KCNIP4: variants seen among roughly 807,000 people sequenced by gnomAD.
KCNIP4 encodes potassium voltage-gated channel interacting protein 4.
A neutral mutation model predicts 34.0 loss-of-function variants in KCNIP4; 12 were observed. That is an observed-to-expected ratio of 0.35 (90% confidence interval 0.23 to 0.57). KCNIP4 has a LOEUF of 0.57. KCNIP4 is among the 20% of genes least tolerant of loss of function. The pLI, the probability that KCNIP4 is intolerant of heterozygous loss-of-function variation, is 0.83. For missense variants in KCNIP4, 238 were observed against 311.7 expected, an observed-to-expected ratio of 0.76 and a Z score of 1.78; for synonymous variants, 124 against 102.2, an observed-to-expected ratio of 1.21 and a Z score of -1.29.
intron 1 of KCNIP4, among the ~76,000 whole-genome samples, chr4:21,805,965 C>T (rs1025267515): frequency 2.0e-5 from 3 of 152,300 alleles, no homozygotes; most frequent in Middle Eastern, 3.4e-3. Context: ...ATGTAGGTTA[C>T]AAATGGAGCT....
chr4:21,542,316 A>G (rs2109000716), intron 1 of KCNIP4, among the ~76,000 whole-genome samples: 1 of 152,340 alleles, frequency 6.6e-6, no homozygotes, highest in African/African-American at 2.4e-5. Context: ...TTTCAAAGTC[A>G]GTTAAGCCTA....
intron 2 of KCNIP4, among the ~76,000 whole-genome samples, chr4:20,864,751 T>C (rs957976402): frequency 6.6e-6 from 1 of 152,078 alleles, no homozygotes; most frequent in Non-Finnish European, 1.5e-5. Flanking sequence ...ACTTTGTAAG[T>C]TCATGTCACA....
chr4:21,697,273 C>T (rs1260124381), intron 1 of KCNIP4: 1 of 1,356,778 alleles, frequency 7.4e-7, no homozygotes, highest in Non-Finnish European at 9.4e-7. Context: ...ATAGCCTTTC[C>T]TATTCCATTT....
At chr4:21,494,946 A>G (rs1285491337) in intron 1 of KCNIP4, among the ~76,000 whole-genome samples, 4 of 152,178 alleles carry the variant, frequency 2.6e-5, no homozygotes, top group African/African-American at 9.6e-5. Context: ...TGAATCTGAC[A>G]TAATATACTT....
intron 3 of KCNIP4, among the ~76,000 whole-genome samples, chr4:20,761,815 A>G (rs527577314): frequency 4.8e-4 from 73 of 152,358 alleles, no homozygotes; most frequent in Middle Eastern, 3.4e-3. Context: ...TCTCTGCCAA[A>G]TGAAAACTAC....
chr4:21,303,970 TA>T (rs1712051607), intron 1 of KCNIP4: 10 of 1,593,454 alleles, frequency 6.3e-6, no homozygotes, highest in Admixed American at 1.7e-5. Context: ...GCTTTCTTTG[TA>T]AAGCCATTAA....
intron 1 of KCNIP4, among the ~76,000 whole-genome samples, chr4:21,945,969 A>T (rs1015801947): frequency 2.0e-5 from 3 of 149,462 alleles, no homozygotes; most frequent in Non-Finnish European, 4.4e-5. Flanking sequence ...GGCATTAACA[A>T]TGTCAATTAC....
intron 4 of KCNIP4, among the ~76,000 whole-genome samples, chr4:20,751,229 G>T (rs7663837): frequency 0.5 from 75,428 of 152,020 alleles, 19,246 homozygotes; most frequent in African/African-American, 0.58. Context: ...CGTTTTCAGT[G>T]AACTAACCAA....
chr4:20,996,489 T>C (rs988929002), intron 1 of KCNIP4, among the ~76,000 whole-genome samples: 3 of 152,204 alleles, frequency 2.0e-5, no homozygotes, highest in Non-Finnish European at 4.4e-5. Flanking sequence ...TTAAATAAAC[T>C]AAGACTATCC....
chr4:21,079,393 A>AT (rs998441839), intron 1 of KCNIP4, among the ~76,000 whole-genome samples: 22 of 152,088 alleles, frequency 1.4e-4, no homozygotes, highest in Admixed American at 1.3e-3. Flanking sequence ...ACTGTTAAAC[A>AT]TTTTTTAGAG....
chr4:21,467,073 AACACACACACACACACACACACACACAC>A (rs33937973), intron 1 of KCNIP4, among the ~76,000 whole-genome samples: 2 of 139,758 alleles, frequency 1.4e-5, no homozygotes, highest in Non-Finnish European at 3.1e-5. Context: ...AACCAAAACA[AACACACACACACACACACACACACACAC>A]ACACACACAC....
chr4:21,415,673 G>A (rs1724897614), intron 1 of KCNIP4, among the ~76,000 whole-genome samples: 1 of 152,144 alleles, frequency 6.6e-6, no homozygotes, highest in Admixed American at 6.6e-5. Context: ...TTGCACTCCA[G>A]CCTGGGTGAC....
intron 1 of KCNIP4, among the ~76,000 whole-genome samples, chr4:21,265,349 TG>T (rs965205894): frequency 2.6e-5 from 4 of 152,078 alleles, no homozygotes; most frequent in African/African-American, 9.7e-5. Context: ...TTAAGGGCCT[TG>T]GGAAGCAATA....
chr4:20,887,904 T>C (rs1288466613), intron 1 of KCNIP4, among the ~76,000 whole-genome samples: 2 of 152,132 alleles, frequency 1.3e-5, no homozygotes, highest in Non-Finnish European at 2.9e-5. Flanking sequence ...TAGAGTTTAT[T>C]ACATTTGTAG....
At chr4:21,622,900 C>G (rs927938750) in intron 1 of KCNIP4, among the ~76,000 whole-genome samples, 1 of 152,120 alleles carries the variant, frequency 6.6e-6, no homozygotes, top group Non-Finnish European at 1.5e-5. Context: ...CTTCTGCCAT[C>G]ACTCAGAACT....
At chr4:21,202,073 C>T (rs994740036) in intron 1 of KCNIP4, among the ~76,000 whole-genome samples, 1 of 152,148 alleles carries the variant, frequency 6.6e-6, no homozygotes, top group Admixed American at 6.5e-5. Flanking sequence ...TCTCAAAGAA[C>T]GAAGAGTTGA....
At chr4:21,655,137 T>C (rs1413931524) in intron 1 of KCNIP4, among the ~76,000 whole-genome samples, 1 of 152,132 alleles carries the variant, frequency 6.6e-6, no homozygotes, top group African/African-American at 2.4e-5. Context: ...GCAGCAAGTA[T>C]ATGTGTACAG....
intron 1 of KCNIP4, among the ~76,000 whole-genome samples, chr4:20,958,820 G>T (rs1253833188): frequency 6.6e-6 from 1 of 152,212 alleles, no homozygotes; most frequent in Non-Finnish European, 1.5e-5. Context: ...CCTGGAAGAG[G>T]TGTGTTGGTT....
intron 1 of KCNIP4, among the ~76,000 whole-genome samples, chr4:21,935,392 G>A (rs79114680): frequency 0.011 from 1,636 of 152,032 alleles, 27 homozygotes; most frequent in African/African-American, 0.036. Flanking sequence ...TAAAATCCAC[G>A]TTTCTTAGAC....
Sources: gnomAD v4.1 joint callset for allele counts (sites outside exome capture counted in the v4.1 genomes callset) on GRCh38, gnomAD v4.1.1 for gene constraint, MANE v1.5 for transcripts, NCBI Gene and HGNC (gene_info 2026-07-23, HGNC 2026-07-21) for gene names.